GATA3: variants seen among roughly 807,000 people sequenced by gnomAD.
GATA3 encodes the protein trans-acting T-cell-specific transcription factor GATA-3.
In GATA3, 6 loss-of-function variants were observed where a neutral mutation model predicts 36.0. The observed-to-expected ratio is 0.17, with a 90% confidence interval of 0.09 to 0.33. GATA3 has a LOEUF of 0.33. GATA3 is among the 10% of genes least tolerant of loss of function. GATA3 has a pLI of 1.00. For synonymous variants in GATA3, 326 were observed against 273.0 expected, an observed-to-expected ratio of 1.19 and a Z score of -1.92; for missense variants, 514 against 610.1, an observed-to-expected ratio of 0.84 and a Z score of 1.66.
At chr10:8,054,621 G>A (rs1254042869), upstream of GATA3, 1 of 152,188 alleles carries the variant, frequency 6.6e-6, no homozygotes, top group Non-Finnish European at 1.5e-5. The surrounding 1 kb of genome is among the most constrained non-coding windows in gnomAD (Gnocchi z 4.2). Flanking sequence ...GCCAGCGCCA[G>A]GCTCCTCCCC....
At position 8,063,973 on chromosome 10, in the gene GATA3, A is replaced by G. The variant is rs762632763; in HGVS notation, c.779-20A>G. 6.2e-7 allele frequency: 1 copy of G among 1,614,176 alleles called. No individual in the cohort carries two copies. Among genetic ancestry groups the G allele is most frequent in the East Asian group, 2.2e-5 (1 of 44,882 alleles). ...CGTGTTTTCCTTCCCTAAGTGGCTT[A>G]TCTGTGCTTTTGTTTCCAGAAGGCA... On this transcript the variant is annotated intron_variant, in intron 3 of 5. Transcript: ENST00000379328.
Position 8,055,537 on chromosome 10 carries a change from T to G in GATA3, c.-119T>G. On this transcript the variant is annotated 5_prime_UTR_variant, in exon 2 of 6. Transcript: ENST00000379328. This position sits in a 1 kb window ranked among gnomAD's most constrained non-coding sequence, Gnocchi z 5.4. ...TTCCCATCCCCCCACCGAAAGCAAATCATTCAACGACCCCCGACCCTCCGA... is the reference window on the plus strand; with the variant it reads ...TTCCCATCCCCCCACCGAAAGCAAAGCATTCAACGACCCCCGACCCTCCGA... The G allele has an allele frequency of 3.7e-6, 4 of 1,083,522 alleles. No individual in the cohort carries two copies. The highest frequency in any genetic ancestry group is 5.2e-6 in the Non-Finnish European group (4 of 769,184). The allele number at this position is 1,083,522 out of a possible 1,614,324, so 67.1% of individuals were successfully genotyped here.
At chr10:8,062,361 ATT>A (rs55716625) in intron 3 of GATA3, among the ~76,000 whole-genome samples, 3,416 of 142,732 alleles carry the variant, frequency 0.024, 60 homozygotes, top group South Asian at 0.064. Flanking sequence ...TTACATCCTC[ATT>A]TTTTTTTTTT....
chr10:8,051,155 C>A (rs775057788), upstream of GATA3: 3 of 217,330 alleles, frequency 1.4e-5, no homozygotes, highest in Middle Eastern at 1.3e-3. Context: ...CCTGGGAGGG[C>A]GGGTGGGAGG....
intron 5 of GATA3, among the ~76,000 whole-genome samples, chr10:8,070,155 C>T (rs1440210383): frequency 6.6e-6 from 1 of 152,174 alleles, no homozygotes; most frequent in South Asian, 2.1e-4. Context: ...CGTCTGATGT[C>T]TTTGTCCGAA....
chr10:8,049,330 C>T (rs1227134793), upstream of GATA3, among the ~76,000 whole-genome samples: 1 of 152,196 alleles, frequency 6.6e-6, no homozygotes, highest in Non-Finnish European at 1.5e-5. Context: ...CTGCTTTCCC[C>T]CAAGTTCCCT....
chr10:8,051,822 C>A (rs1336391742), upstream of GATA3, among the ~76,000 whole-genome samples: 1 of 151,650 alleles, frequency 6.6e-6, no homozygotes, highest in South Asian at 2.1e-4. Context: ...GCGGGTCAGG[C>A]CGGCGCCTGG....
Position 8,058,744 on chromosome 10 carries a change from C to T in GATA3, c.681C>T (p.Pro227=), listed in dbSNP as rs769334413. The change falls in exon 3 of 6, where the codon CCC becomes CCT. Residue 227 remains proline (P), a synonymous_variant. Coordinates refer to ENST00000379328, the MANE Select transcript of GATA3 (RefSeq NM_001002295.2). The part of the protein sequence containing the change: ...HPITTYPPYV[P]EYSSGLFPPS... ...TCACCACCTACCCGCCCTACGTGCC[C>T]GAGTACAGCTCCGGACTCTTCCCCC... 5.0e-6 allele frequency: 8 copies of T among 1,612,120 alleles called. No individual in the cohort carries two copies. The highest frequency in any genetic ancestry group is 1.1e-5 in the South Asian group (1 of 91,068).
upstream of GATA3, among the ~76,000 whole-genome samples, chr10:8,048,844 C>T (rs1265873944): frequency 6.6e-6 from 1 of 152,186 alleles, no homozygotes; most frequent in African/African-American, 2.4e-5. Flanking sequence ...CCCCTACCTA[C>T]CCAATTTTTA....
intron 3 of GATA3, 91 bp downstream of exon 3, chr10:8,058,932 G>T: frequency 1.6e-6 from 2 of 1,254,854 alleles, no homozygotes; most frequent in East Asian, 4.8e-5. Flanking sequence ...CCTCAGGGGA[G>T]CCGGGGTGTC....
At chr10:8,057,468 A>G (rs1160977203) in intron 2 of GATA3, among the ~76,000 whole-genome samples, 3 of 152,180 alleles carry the variant, frequency 2.0e-5, no homozygotes, top group African/African-American at 7.2e-5. Flanking sequence ...GGCTCAGGTG[A>G]AAATTCACCC....
chr10:8,062,361 A>ATT (rs55716625), intron 3 of GATA3, among the ~76,000 whole-genome samples: 11 of 142,850 alleles, frequency 7.7e-5, no homozygotes, highest in African/African-American at 2.9e-4. Flanking sequence ...TTACATCCTC[A>ATT]TTTTTTTTTT....
At position 8,058,524 on chromosome 10, in the gene GATA3, C is replaced by T. The variant is rs1243758742; in HGVS notation, c.461C>T (p.Pro154Leu). 1 of 1,611,912 alleles carries T rather than the reference C, an allele frequency of 6.2e-7. No individual in the cohort carries two copies. ...GHASPHLFTFPPTPPKDVSPD... is the reference protein window; with the variant it reads ...GHASPHLFTFLPTPPKDVSPD... Reference sequence around the variant, plus strand: ...GCCAGCCCGCACCTCTTCACCTTCCCGCCCACCCCGCCGAAGGACGTCTCC... The same window carrying T: ...GCCAGCCCGCACCTCTTCACCTTCCTGCCCACCCCGCCGAAGGACGTCTCC... The change falls in exon 3 of 6, where the codon CCG becomes CTG. Residue 154 changes from proline to leucine, a missense_variant. Coordinates refer to ENST00000379328, the MANE Select transcript of GATA3 (RefSeq NM_001002295.2).
chr10:8,048,145 TCTC>T (rs1472834403), intron 1 of GATA3, among the ~76,000 whole-genome samples: 3 of 152,010 alleles, frequency 2.0e-5, no homozygotes, highest in Non-Finnish European at 4.4e-5. Context: ...AAGCCCTCCT[TCTC>T]CTCCTAAAAG....
chr10:8,046,628 T>G (rs1832390948), intron 1 of GATA3, among the ~76,000 whole-genome samples: 1 of 147,920 alleles, frequency 6.8e-6, no homozygotes. Context: ...ATGAGATGCT[T>G]GGGGGCCCAA....
At position 8,058,409 on chromosome 10, in the gene GATA3, C is replaced by T. The variant is rs1440490623; in HGVS notation, c.346C>T (p.Pro116Ser). ...CACCGCCTCCCCCTGGAATCTCAGCCCCTTCTCCAAGACGTCCATCCACCA... is the reference window on the plus strand; with the variant it reads ...CACCGCCTCCCCCTGGAATCTCAGCTCCTTCTCCAAGACGTCCATCCACCA... ...HHTASPWNLS[P>S]FSKTSIHHGS... Residue 116 changes from proline to serine, a missense_variant, in exon 3 of 6, where the codon CCC becomes TCC. By Grantham distance (74) the Pro-to-Ser change is moderately conservative. Around this residue, in one of 3 missense-constraint regions of GATA3, gnomAD observed 381 missense variants for 354.3 expected, o/e 1.08. Transcript: ENST00000379328. 1.2e-6 allele frequency: 2 copies of T among 1,612,970 alleles called. No homozygotes were observed. Among genetic ancestry groups the T allele is most frequent in the Admixed American group, 1.7e-5 (1 of 60,024 alleles).
At chr10:8,046,691 G>GTGTGTGTC (rs58533845) in intron 1 of GATA3, among the ~76,000 whole-genome samples, 4,725 of 144,906 alleles carry the variant, frequency 0.033, 111 homozygotes, top group Non-Finnish European at 0.039. Flanking sequence ...GTGTGTGTGT[G>GTGTGTGTC]TCAGGGGCTT....
chr10:8,058,209 C>T (rs568998106), intron 2 of GATA3, 96 bp from the exon 3 acceptor site: 24 of 1,378,362 alleles, frequency 1.7e-5, no homozygotes, highest in East Asian at 1.2e-4. Flanking sequence ...AAAAGGAGGC[C>T]GATGCGAGGT....
At chr10:8,069,817 G>C (rs1174165127) in intron 5 of GATA3, among the ~76,000 whole-genome samples, 3 of 152,014 alleles carry the variant, frequency 2.0e-5, no homozygotes, top group Non-Finnish European at 4.4e-5. Flanking sequence ...CAACCCCCTT[G>C]GTATGCATTG....
Sources: gnomAD v4.1 joint callset for allele counts (sites outside exome capture counted in the v4.1 genomes callset) on GRCh38, gnomAD v4.1.1 for gene constraint, gnomAD v4.1.1 regional missense constraint, Gnocchi (gnomAD v3.1) non-coding constraint, MANE v1.5 for transcripts, NCBI Gene and HGNC (gene_info 2026-07-23, HGNC 2026-07-21) for gene names.